The following CIMIP6 variants were observed in gnomAD, a reference collection of about 807,000 sequenced individuals.
The protein encoded by CIMIP6 is uncharacterized protein C2orf73.
chr2:54,367,573 T>G, the CIMIP6 span, among the ~76,000 whole-genome samples: 3 of 152,122 alleles, frequency 2.0e-5, no homozygotes, highest in East Asian at 3.8e-4. Context: ...ACAGGCAGCA[T>G]GAAACCATTA....
At chr2:54,379,502 G>A in the CIMIP6 span, among the ~76,000 whole-genome samples, 2 of 152,112 alleles carry the variant, frequency 1.3e-5, no homozygotes, top group Non-Finnish European at 2.9e-5. Context: ...GCATCTCCTA[G>A]GTGATTCTTA....
At chr2:54,354,759 T>C in the CIMIP6 span, among the ~76,000 whole-genome samples, 1 of 152,080 alleles carries the variant, frequency 6.6e-6, no homozygotes, top group African/African-American at 2.4e-5. Flanking sequence ...GGTAATTATA[T>C]TACCTACAAT....
the CIMIP6 span, chr2:54,343,791 G>T: frequency 6.2e-7 from 1 of 1,613,090 alleles, no homozygotes; most frequent in Middle Eastern, 1.7e-4. Context: ...AGAGCACCCA[G>T]AGGAGTGACT....
At chr2:54,360,480 C>A in the CIMIP6 span, 1 of 1,576,634 alleles carries the variant, frequency 6.3e-7, no homozygotes, top group Non-Finnish European at 8.6e-7. Flanking sequence ...GAAAAGACCT[C>A]AGGCGCCACT....
At chr2:54,360,389 C>A in the CIMIP6 span, 1 of 1,608,192 alleles carries the variant, frequency 6.2e-7, no homozygotes, top group Non-Finnish European at 8.5e-7. Flanking sequence ...TTCTCAGGAG[C>A]TGTTAGAGCC....
chr2:54,369,143 C>T, the CIMIP6 span, among the ~76,000 whole-genome samples: 13 of 152,256 alleles, frequency 8.5e-5, no homozygotes, highest in East Asian at 1.7e-3. Context: ...TCATGACAAG[C>T]ACTTAACTCC....
the CIMIP6 span, among the ~76,000 whole-genome samples, chr2:54,341,277 G>T: frequency 3.9e-5 from 6 of 152,124 alleles, no homozygotes; most frequent in East Asian, 1.2e-3. Context: ...CCACCCTCAT[G>T]AATGAAATGA....
chr2:54,342,612 GT>G, the CIMIP6 span, among the ~76,000 whole-genome samples: 411 of 141,384 alleles, frequency 2.9e-3, 1 homozygote, highest in East Asian at 7.4e-3. Flanking sequence ...AGCCACATAG[GT>G]TTTTTTTTTT....
At chr2:54,380,330 C>G in the CIMIP6 span, among the ~76,000 whole-genome samples, 1 of 152,096 alleles carries the variant, frequency 6.6e-6, no homozygotes, top group Non-Finnish European at 1.5e-5. Flanking sequence ...AAAGGCTCTT[C>G]AGTGAGTTAG....
chr2:54,350,395 G>A, the CIMIP6 span, among the ~76,000 whole-genome samples: 1 of 152,190 alleles, frequency 6.6e-6, no homozygotes, highest in Non-Finnish European at 1.5e-5. Flanking sequence ...TCACTTGTGT[G>A]GCCACATTCA....
At chr2:54,333,840 C>T in the CIMIP6 span, among the ~76,000 whole-genome samples, 5 of 151,998 alleles carry the variant, frequency 3.3e-5, no homozygotes, top group African/African-American at 9.7e-5. Context: ...TTGCAGTGAG[C>T]GGAGATAGCA....
the CIMIP6 span, among the ~76,000 whole-genome samples, chr2:54,364,949 A>G: frequency 6.6e-6 from 1 of 152,340 alleles, no homozygotes; most frequent in Admixed American, 6.5e-5. Context: ...CAAACAAGCA[A>G]TGAGCAAGAG....
the CIMIP6 span, among the ~76,000 whole-genome samples, chr2:54,358,085 T>C: frequency 3.9e-5 from 6 of 152,240 alleles, no homozygotes; most frequent in Non-Finnish European, 7.3e-5. Context: ...ACTCATATAC[T>C]CATCACCCAG....
the CIMIP6 span, among the ~76,000 whole-genome samples, chr2:54,354,056 C>T: frequency 6.6e-6 from 1 of 152,144 alleles, no homozygotes; most frequent in Non-Finnish European, 1.5e-5. Flanking sequence ...ATCAATTCCA[C>T]TTTCCAGCAT....
At chr2:54,382,240 C>T in the CIMIP6 span, among the ~76,000 whole-genome samples, 1 of 152,118 alleles carries the variant, frequency 6.6e-6, no homozygotes, top group Admixed American at 6.5e-5. Flanking sequence ...ATATTGTTAT[C>T]AATGTCCAAA....
chr2:54,358,800 G>C, the CIMIP6 span, among the ~76,000 whole-genome samples: 1 of 152,122 alleles, frequency 6.6e-6, no homozygotes, highest in African/African-American at 2.4e-5. Flanking sequence ...CATGAAGAAA[G>C]AATGGTGAAT....
chr2:54,337,652 C>T, the CIMIP6 span, among the ~76,000 whole-genome samples: 1 of 152,172 alleles, frequency 6.6e-6, no homozygotes, highest in Admixed American at 6.5e-5. Context: ...CTAATTTTCT[C>T]TTACTCCTAC....
chr2:54,372,889 G>T, the CIMIP6 span, among the ~76,000 whole-genome samples: 1 of 152,108 alleles, frequency 6.6e-6, no homozygotes, highest in East Asian at 1.9e-4. Context: ...TCAAACCAGG[G>T]TCATCTCTAC....
the CIMIP6 span, among the ~76,000 whole-genome samples, chr2:54,332,174 G>C: frequency 2.6e-5 from 4 of 152,120 alleles, no homozygotes; most frequent in Non-Finnish European, 4.4e-5. Flanking sequence ...TATGCACTTA[G>C]CTCTCTCTTC....
Sources: allele counts gnomAD v4.1 joint callset (sites outside exome capture counted in the v4.1 genomes callset), GRCh38; gene constraint gnomAD v4.1.1; transcripts MANE v1.5; gene names NCBI Gene and HGNC (gene_info 2026-07-23, HGNC 2026-07-21).